Variants in NGFR observed in about 807,000 individuals in gnomAD.
NGFR encodes the protein tumor necrosis factor receptor superfamily member 16.
NGFR carries 30 observed loss-of-function variants against 43.2 expected under a neutral mutation model. The ratio of observed to expected loss-of-function variants is 0.69; its 90% CI spans 0.52 to 0.94. NGFR has a LOEUF of 0.94. Ranked by LOEUF, NGFR falls within the 40% of genes least tolerant of loss-of-function variation. The pLI, the probability that NGFR is intolerant of heterozygous loss-of-function variation, is 0.00. For missense variants in NGFR, 529 were observed against 602.5 expected (o/e 0.88, Z 1.28); for synonymous variants, 246 against 259.6 (o/e 0.95, Z 0.50).
intron 1 of NGFR, among the ~76,000 whole-genome samples, chr17:49,500,119 CA>C (rs2071159077): frequency 1.3e-5 from 2 of 150,748 alleles, no homozygotes; most frequent in South Asian, 4.2e-4. Context: ...GGGAAAAGAA[CA>C]AAAGAGTTTC....
At chr17:49,501,999 A>ATGGGGGGC in intron 1 of NGFR, 64 bp from the exon 2 acceptor site, 1 of 330,982 alleles carries the variant, frequency 3.0e-6, no homozygotes, top group East Asian at 6.4e-5. Context: ...TCCCCGGAAG[A>ATGGGGGGC]ACCCCCCCCA....
rs1000461663 is a variant in NGFR, at chr17:49,495,382, G to A, written c.-36G>A. ...GCCCCATCAGTCCGCAAAGCGGACC[G>A]AGCTGGAAGTCGAGCGCTGCCGCGG... On this transcript the variant is annotated 5_prime_UTR_variant, in exon 1 of 6. Coordinates refer to ENST00000172229, the MANE Select transcript of NGFR (RefSeq NM_002507.4). The surrounding 1 kb of genome is among the most constrained non-coding windows in gnomAD (Gnocchi z 6.4). 2.4e-6 allele frequency: 3 copies of A among 1,229,218 alleles called. No individual in the cohort carries two copies. The highest frequency in any genetic ancestry group is 3.0e-6 in the Non-Finnish European group (3 of 984,592). 76.1% of individuals were successfully genotyped at this position (1,229,218 alleles called of 1,614,324 possible).
intron 1 of NGFR, 38 bp from the exon 2 acceptor site, chr17:49,502,025 C>A: frequency 2.0e-6 from 1 of 508,426 alleles, no homozygotes; most frequent in Non-Finnish European, 2.7e-6. Flanking sequence ...CCCCAGCTTT[C>A]TCTTGCCAGT....
intron 1 of NGFR, chr17:49,496,405 C>G (rs921034432): frequency 6.6e-6 from 1 of 152,226 alleles, no homozygotes; most frequent in African/African-American, 2.4e-5. Context: ...CTCCGACGCG[C>G]GTGTTCTCAC....
chr17:49,502,219 G>T lies in NGFR; in HGVS notation c.208+15G>T, dbSNP rs375316965. 6.3e-7 allele frequency: 1 copy of T among 1,583,058 alleles called. No homozygotes were observed. ...CTGCCTGGACAGTGAGTAGAGGGTG[G>T]CGGGCAGGAGGAGGGGAGAAGAATG... On this transcript the variant is annotated intron_variant, in intron 2 of 5. Coordinates refer to ENST00000172229, the MANE Select transcript of NGFR (RefSeq NM_002507.4).
At chr17:49,498,032 A>G (rs552192037) in intron 1 of NGFR, among the ~76,000 whole-genome samples, 93 of 152,302 alleles carry the variant, frequency 6.1e-4, no homozygotes, top group Admixed American at 1.7e-3. Context: ...ATAAGGTCCT[A>G]GCAAGGTGAA....
rs1597864998 is a variant in NGFR at position 49,512,203 on chromosome 17, A to G, written c.982+151A>G. On this transcript the variant is annotated intron_variant, in intron 5 of 5. Coordinates refer to ENST00000172229, the MANE Select transcript of NGFR (RefSeq NM_002507.4). The surrounding 1 kb of genome is among the most constrained non-coding windows in gnomAD (Gnocchi z 5.2). ...TGGATGGAGAGGCTGGCCGAGGGGA[A>G]TGGGAGGGAGAGGTCCTCTCTAGAG... is the stretch of plus-strand genomic sequence containing the variant. 2.0e-6 allele frequency: 2 copies of G among 995,708 alleles called. No individual in the cohort carries two copies. The highest frequency in any genetic ancestry group is 1.8e-5 in the South Asian group (1 of 56,446). The allele number at this position is 995,708 out of a possible 1,614,324, so 61.7% of individuals were successfully genotyped here.
In NGFR at chr17:49,512,763, G is replaced by C. The variant is rs1247440564; in HGVS notation, c.1038G>C (p.Glu346Asp). Residue 346 changes from glutamate to aspartate, a missense_variant, in exon 6 of 6, where the codon GAG (glutamate) becomes GAC (aspartate). Transcript: ENST00000172229. The surrounding 1 kb of genome is among the most constrained non-coding windows in gnomAD (Gnocchi z 5.2). Reference protein sequence around the residue: ...YSSLPPAKREEVEKLLNGSAG... With the variant: ...YSSLPPAKREDVEKLLNGSAG... Reference sequence around the variant, plus strand: ...GCCTGCCCCCAGCCAAGCGGGAGGAGGTGGAGAAGCTTCTCAACGGCTCTG... The same window carrying C: ...GCCTGCCCCCAGCCAAGCGGGAGGACGTGGAGAAGCTTCTCAACGGCTCTG... 1 of 1,613,026 alleles carries C rather than the reference G, an allele frequency of 6.2e-7. No individual in the cohort carries two copies. Among genetic ancestry groups the C allele is most frequent in the Non-Finnish European group, 8.5e-7 (1 of 1,179,878 alleles).
chr17:49,505,918 G>A (rs113644492), intron 2 of NGFR: 17 of 203,110 alleles, frequency 8.4e-5, no homozygotes, highest in African/African-American at 3.0e-4. Flanking sequence ...GCTCTGGCCC[G>A]CGGGGAGGGC....
chr17:49,506,679 G>A (rs1432513938), intron 3 of NGFR, 21 bp downstream of exon 3: 16 of 1,170,814 alleles, frequency 1.4e-5, no homozygotes, highest in African/African-American at 1.3e-4. Context: ...TTCGGGGGGC[G>A]GGGGGAGTGG....
intron 1 of NGFR, among the ~76,000 whole-genome samples, chr17:49,498,408 C>A (rs1266043132): frequency 6.6e-6 from 1 of 152,218 alleles, no homozygotes; most frequent in Admixed American, 6.5e-5. Flanking sequence ...GGGGTATGTG[C>A]CAGTGCCTCC....
At position 49,512,844 on chromosome 17, in the gene NGFR, A is replaced by G; in HGVS notation, c.1119A>G (p.Ile373Met). 1 of 1,613,418 alleles carries G rather than the reference A, an allele frequency of 6.2e-7. No individual in the cohort carries two copies. The highest frequency in any genetic ancestry group is 1.3e-5 in the African/African-American group (1 of 75,008). ...AGCTGGGCTACCAGCCCGAGCACAT[A>G]GACTCCTTTACCCATGAGGCCTGCC... ...AGELGYQPEHIDSFTHEACPV... is the reference protein window; with the variant it reads ...AGELGYQPEHMDSFTHEACPV... The change falls in exon 6 of 6, where the codon ATA (isoleucine) becomes ATG (methionine). Residue 373 changes from isoleucine (I) to methionine (M), a missense_variant. Ile to Met is a conservative substitution (Grantham distance 10, BLOSUM62 1). Coordinates refer to ENST00000172229, the MANE Select transcript of NGFR (RefSeq NM_002507.4). The surrounding 1 kb of genome is among the most constrained non-coding windows in gnomAD (Gnocchi z 5.2).
At chr17:49,497,007 G>A (rs1403017480) in intron 1 of NGFR, 1 of 152,256 alleles carries the variant, frequency 6.6e-6, no homozygotes, top group East Asian at 1.9e-4. Flanking sequence ...TACGGAGACT[G>A]AGGCTCTGAG....
chr17:49,514,852 C>T lies in NGFR; in HGVS notation c.*1843C>T, dbSNP rs1220016192. 6.6e-6 allele frequency: 1 copy of T among 150,794 alleles called. No individual in the cohort carries two copies. The highest frequency in any genetic ancestry group is 2.4e-5 in the African/African-American group (1 of 40,936). 9.3% of individuals were successfully genotyped at this position (150,794 alleles called of 1,614,324 possible). On this transcript the variant is annotated 3_prime_UTR_variant, in exon 6 of 6. Transcript: ENST00000172229. Reference sequence around the variant, plus strand: ...TACTCCCCTTGAGCTGAGATGGAACCCTTTTGGCCCCCGAGCTGGGGGCCA... The same window carrying T: ...TACTCCCCTTGAGCTGAGATGGAACTCTTTTGGCCCCCGAGCTGGGGGCCA...
At chr17:49,504,189 A>G (rs1404962926) in intron 2 of NGFR, among the ~76,000 whole-genome samples, 1 of 152,294 alleles carries the variant, frequency 6.6e-6, no homozygotes, top group Admixed American at 6.5e-5. Flanking sequence ...TCTGCCAAAA[A>G]AGACCACATT....
intron 1 of NGFR, 32 bp from the exon 2 acceptor site, chr17:49,502,031 C>A: frequency 1.8e-6 from 1 of 550,178 alleles, no homozygotes; most frequent in Non-Finnish European, 2.7e-6. Flanking sequence ...CTTTCTCTTG[C>A]CAGTCTGACC....
At chr17:49,511,765 TG>T in intron 4 of NGFR, 126 bp from the exon 5 acceptor site, 1 of 1,113,970 alleles carries the variant, frequency 9.0e-7, no homozygotes, top group Non-Finnish European at 1.2e-6. Flanking sequence ...CCTTAGATGG[TG>T]GGGTGGCGGT....
intron 1 of NGFR, among the ~76,000 whole-genome samples, chr17:49,498,194 C>T (rs947763952): frequency 6.6e-6 from 1 of 152,066 alleles, no homozygotes; most frequent in Non-Finnish European, 1.5e-5. Context: ...TGCCAGGCTC[C>T]CTCCCGCCCC....
At chr17:49,503,374 C>A (rs1408860937) in intron 2 of NGFR, among the ~76,000 whole-genome samples, 1 of 152,208 alleles carries the variant, frequency 6.6e-6, no homozygotes, top group Non-Finnish European at 1.5e-5. Flanking sequence ...TCCTCAGTTG[C>A]TGCCTTTGGG....
Sources: gnomAD v4.1 joint callset for allele counts (sites outside exome capture counted in the v4.1 genomes callset) on GRCh38, gnomAD v4.1.1 for gene constraint, Gnocchi (gnomAD v3.1) non-coding constraint, MANE v1.5 for transcripts, NCBI Gene and HGNC (gene_info 2026-07-23, HGNC 2026-07-21) for gene names.